GNB1L: variants seen among roughly 807,000 people sequenced by gnomAD.
GNB1L encodes guanine nucleotide-binding protein subunit beta-like protein 1.
GNB1L carries 20 observed loss-of-function variants against 29.1 expected under a neutral mutation model. The ratio of observed to expected loss-of-function variants is 0.69; its 90% CI spans 0.48 to 1.00. The LOEUF is 1.00. Ranked by LOEUF, GNB1L falls within the 50% of genes least tolerant of loss-of-function variation. GNB1L has a pLI of 0.00. For synonymous variants in GNB1L, 193 were observed against 206.5 expected, an observed-to-expected ratio of 0.93 and a Z score of 0.56; for missense variants, 421 against 464.9, an observed-to-expected ratio of 0.91 and a Z score of 0.87.
Position 19,852,087 on chromosome 22 carries a change from G to A in GNB1L, c.-21+2356C>T, listed in dbSNP as rs565103120. On this transcript the variant is annotated intron_variant, in intron 2 of 7. Transcript: ENST00000329517. Reference sequence around the variant, plus strand: ...GTGCTCTTCTGCTCCATGGTCGTTCGCACACACACGGTGTCCCCACAGCAG... The same window carrying A: ...GTGCTCTTCTGCTCCATGGTCGTTCACACACACACGGTGTCCCCACAGCAG... 38 of 1,614,220 alleles carry A rather than the reference G, an allele frequency of 2.4e-5. No individual in the cohort carries two copies. The Admixed American group carries it at 3.2e-4, about 13-fold the overall frequency.
chr22:19,789,689 G>A (rs12171235), intron 7 of GNB1L, among the ~76,000 whole-genome samples: 3,980 of 152,110 alleles, frequency 0.026, 150 homozygotes, highest in African/African-American at 0.085. Flanking sequence ...TTCCTGGGCC[G>A]AGCGTTGGGG....
intron 2 of GNB1L, among the ~76,000 whole-genome samples, chr22:19,840,329 GA>G (rs1329155182): frequency 1.3e-5 from 2 of 152,208 alleles, no homozygotes; most frequent in Non-Finnish European, 2.9e-5. Flanking sequence ...AGGAGGAGTA[GA>G]TAACTCCCAA....
intron 2 of GNB1L, chr22:19,848,481 A>C (rs748491274): frequency 9.5e-5 from 94 of 985,370 alleles, no homozygotes; most frequent in Non-Finnish European, 1.1e-4. Context: ...GCCACTCTGA[A>C]AGGAGCTGTG....
Position 19,816,636 on chromosome 22 carries a change from TACACACCTCAC to T in GNB1L, c.254+3951_254+3961del, listed in dbSNP as rs1937526122. Among the ~76,000 whole-genome samples, 1 of 151,850 alleles carries T rather than the reference TACACACCTCAC, an allele frequency of 6.6e-6. No homozygotes were observed. Among genetic ancestry groups the T allele is most frequent in the African/African-American group, 2.4e-5 (1 of 41,352 alleles). On this transcript the variant is annotated intron_variant, in intron 4 of 7. Coordinates refer to ENST00000329517, the MANE Select transcript of GNB1L (RefSeq NM_053004.3). This position sits in a 1 kb window ranked among gnomAD's most constrained non-coding sequence, Gnocchi z 4.4. ...ACAATCACACACACCACACACCTCA[TACACACCTCAC>T]ATACATACACACCACACAGGCACCT... is the stretch of plus-strand genomic sequence containing the variant.
rs1467799575 is a variant in GNB1L, at chr22:19,821,105, C to G, written c.128+123G>C. 6 of 950,030 alleles carry G rather than the reference C, an allele frequency of 6.3e-6. No homozygotes were observed. The African/African-American group carries it at 6.5e-5, about 10-fold the overall frequency. The allele number at this position is 950,030 out of a possible 1,614,324, so 58.9% of individuals were successfully genotyped here. A position where few individuals can be genotyped will look rare whatever the true frequency, so the allele number is the denominator to read the frequency against. On this transcript the variant is annotated intron_variant, in intron 3 of 7. Transcript: ENST00000329517. ...TGGTGGGTGCTGAAAGCTCAGCAAGCCTGGGTGGCGAGCAGTCCATGCCCC... is the reference window on the plus strand; with the variant it reads ...TGGTGGGTGCTGAAAGCTCAGCAAGGCTGGGTGGCGAGCAGTCCATGCCCC...
At chr22:19,838,478 T>C (rs1259890124) in intron 2 of GNB1L, among the ~76,000 whole-genome samples, 1 of 123,404 alleles carries the variant, frequency 8.1e-6, no homozygotes, top group African/African-American at 4.2e-5. Context: ...TTTTTATTTT[T>C]ATTTTTTTTT....
At chr22:19,834,273 C>G (rs1044246411) in intron 2 of GNB1L, among the ~76,000 whole-genome samples, 4 of 152,076 alleles carry the variant, frequency 2.6e-5, no homozygotes, top group African/African-American at 9.7e-5. Flanking sequence ...TGTTAAAGAA[C>G]TGAAAGAAAA....
At chr22:19,818,835 TGTC>T (rs1351458268) in intron 4 of GNB1L, among the ~76,000 whole-genome samples, 1 of 152,128 alleles carries the variant, frequency 6.6e-6, no homozygotes, top group Non-Finnish European at 1.5e-5. Context: ...CAGGGGCAGA[TGTC>T]ACTCTGATCA....
chr22:19,847,806 A>AAAAAAAAAAAAG (rs770537435), intron 2 of GNB1L: 1 of 447,962 alleles, frequency 2.2e-6, no homozygotes, highest in African/African-American at 2.4e-5. Context: ...ATCATAGGCA[A>AAAAAAAAAAAAG]AAAAAAAAAA....
rs1448879989 is a variant in GNB1L, at chr22:19,788,630, G to A, written c.*79C>T. The A allele has an allele frequency of 6.4e-7, 1 of 1,562,412 alleles. No homozygotes were observed. On this transcript the variant is annotated 3_prime_UTR_variant, in exon 8 of 8. Transcript: ENST00000329517. ...GACTTGCTGGTCCTCAGAGGCCCTT[G>A]AGGTTTCAGGCCAAGGCTGGGGCCT...
intron 2 of GNB1L, chr22:19,847,670 C>A: frequency 1.0e-6 from 1 of 984,538 alleles, no homozygotes; most frequent in Non-Finnish European, 1.2e-6. Context: ...GTAGTCACAG[C>A]ATGCATGTGC....
chr22:19,799,517 G>A (rs1249037817), intron 7 of GNB1L, among the ~76,000 whole-genome samples: 1 of 152,192 alleles, frequency 6.6e-6, no homozygotes, highest in Non-Finnish European at 1.5e-5. Context: ...ATGACCTCAG[G>A]TGCCAGGAAT....
intron 4 of GNB1L, 65 bp downstream of exon 4, chr22:19,820,533 C>T (rs1289936325): frequency 1.3e-6 from 2 of 1,531,144 alleles, no homozygotes; most frequent in East Asian, 4.5e-5. Context: ...GACACCAGAG[C>T]CTCCATCAGA....
chr22:19,838,321 G>A (rs1937800012), intron 2 of GNB1L, among the ~76,000 whole-genome samples: 1 of 152,100 alleles, frequency 6.6e-6, no homozygotes, highest in Non-Finnish European at 1.5e-5. Flanking sequence ...CTACTAGAGT[G>A]GCTAAAATTC....
chr22:19,828,025 C>T (rs1056152362), intron 2 of GNB1L, among the ~76,000 whole-genome samples: 1 of 152,162 alleles, frequency 6.6e-6, no homozygotes, highest in Admixed American at 6.5e-5. Context: ...ATGGATGAAG[C>T]TCAAAGTCAT....
At chr22:19,852,525 C>G in intron 2 of GNB1L, 1 of 490,516 alleles carries the variant, frequency 2.0e-6, no homozygotes, top group South Asian at 3.1e-5. Context: ...GGAACTAGGC[C>G]TAACCATCAC....
intron 2 of GNB1L, among the ~76,000 whole-genome samples, chr22:19,823,993 C>A (rs1937599918): frequency 6.6e-6 from 1 of 152,230 alleles, no homozygotes; most frequent in Non-Finnish European, 1.5e-5. Flanking sequence ...CTGCCTGGGG[C>A]CTGGCGGGAG....
chr22:19,798,233 T>G (rs1198986796), intron 7 of GNB1L, among the ~76,000 whole-genome samples: 1 of 151,598 alleles, frequency 6.6e-6, no homozygotes, highest in Non-Finnish European at 1.5e-5. Context: ...GTACCTGTCA[T>G]GCGTGTGGGG....
At chr22:19,850,659 T>C (rs1383487204) in intron 2 of GNB1L, 10 of 1,228,536 alleles carry the variant, frequency 8.1e-6, no homozygotes, top group Non-Finnish European at 9.1e-6. Flanking sequence ...CCAGGCAGCC[T>C]TCCTCACATT....
Sources: gnomAD v4.1 joint callset for allele counts (sites outside exome capture counted in the v4.1 genomes callset) on GRCh38, gnomAD v4.1.1 for gene constraint, Gnocchi (gnomAD v3.1) non-coding constraint, MANE v1.5 for transcripts, NCBI Gene and HGNC (gene_info 2026-07-23, HGNC 2026-07-21) for gene names.